The following BMP8A variants were observed in gnomAD, a reference collection of about 807,000 sequenced individuals.
BMP8A encodes BMP-8A.
In BMP8A, 14 loss-of-function variants were observed where a neutral mutation model predicts 36.8. That is an observed-to-expected ratio of 0.38 (90% confidence interval 0.25 to 0.60). The LOEUF is 0.60. Ranked by LOEUF, BMP8A falls within the 20% of genes least tolerant of loss-of-function variation. BMP8A has a pLI of 0.63. For missense variants in BMP8A, 267 were observed against 551.1 expected (o/e 0.48, Z 5.16); for synonymous variants, 120 against 237.7 (o/e 0.50, Z 4.55).
chr1:39,513,194 GGA>G (rs1320432081), intron 3 of BMP8A, among the ~76,000 whole-genome samples: 4 of 83,134 alleles, frequency 4.8e-5, no homozygotes, highest in Non-Finnish European at 6.5e-5. Flanking sequence ...TGCTCAGGCT[GGA>G]GTGCAGTGGC....
chr1:39,503,488 G>C (rs1645270471), intron 1 of BMP8A, among the ~76,000 whole-genome samples: 1 of 150,634 alleles, frequency 6.6e-6, no homozygotes, highest in Non-Finnish European at 1.5e-5. Context: ...AGGCATAGTG[G>C]CATTATGCTT....
Position 39,492,017 on chromosome 1 carries a change from G to A in BMP8A, c.26G>A (p.Trp9Ter). ...ATGGCCGCGCGCCCCGGACCGCTCTGGCTTCTGGGCCTGACGTTGTGCGCG... is the reference window on the plus strand; with the variant it reads ...ATGGCCGCGCGCCCCGGACCGCTCTAGCTTCTGGGCCTGACGTTGTGCGCG... MAARPGPL[W>*]LLGLTLCALG... Residue 9 changes from tryptophan (W) to a stop codon, truncating the protein, a stop_gained, in exon 1 of 7, where the codon TGG becomes TAG. Coordinates refer to ENST00000331593, the MANE Select transcript of BMP8A (RefSeq NM_181809.4). LOFTEE classifies it high-confidence loss of function. 1.8e-6 allele frequency: 2 copies of A among 1,092,462 alleles called. No homozygotes were observed. 67.7% of individuals were successfully genotyped at this position (1,092,462 alleles called of 1,614,324 possible).
At chr1:39,504,764 C>T (rs1253976420) in intron 1 of BMP8A, among the ~76,000 whole-genome samples, 1 of 152,170 alleles carries the variant, frequency 6.6e-6, no homozygotes, top group Non-Finnish European at 1.5e-5. Flanking sequence ...CTCTGAGTTC[C>T]TTCAGTATTT....
intron 1 of BMP8A, among the ~76,000 whole-genome samples, chr1:39,496,446 A>G (rs1475749101): frequency 1.3e-5 from 2 of 151,070 alleles, no homozygotes; most frequent in African/African-American, 4.9e-5. Context: ...TTGCATCCTG[A>G]CGCCAACACC....
intron 1 of BMP8A, among the ~76,000 whole-genome samples, chr1:39,498,759 G>A (rs1319781042): frequency 2.6e-5 from 4 of 151,994 alleles, no homozygotes; most frequent in Non-Finnish European, 2.9e-5. Context: ...CTGCCTGTGG[G>A]ACCAGCCAGG....
At chr1:39,522,280 TG>T (rs1311896459) in intron 4 of BMP8A, 122 bp from the exon 5 acceptor site, 1 of 1,055,876 alleles carries the variant, frequency 9.5e-7, no homozygotes, top group Non-Finnish European at 1.4e-6. Context: ...TGAGACCAAA[TG>T]GTTTCCTGTC....
chr1:39,509,006 G>C (rs927980183), intron 1 of BMP8A, among the ~76,000 whole-genome samples: 2 of 152,164 alleles, frequency 1.3e-5, no homozygotes, highest in Non-Finnish European at 2.9e-5. Flanking sequence ...CAGGTCAGGC[G>C]GGGAGGGAGG....
Position 39,524,172 on chromosome 1 carries a change from G to A in BMP8A, c.1059+1055G>A, listed in dbSNP as rs1645459420. 6.6e-6 allele frequency among the ~76,000 whole-genome samples: 1 copy of A among 152,170 alleles called. No homozygotes were observed. Among genetic ancestry groups the A allele is most frequent in the African/African-American group, 2.4e-5 (1 of 41,446 alleles). On this transcript the variant is annotated intron_variant, in intron 6 of 6. Coordinates refer to ENST00000331593, the MANE Select transcript of BMP8A (RefSeq NM_181809.4). This position sits in a 1 kb window ranked among gnomAD's most constrained non-coding sequence, Gnocchi z 4.0. ...TGATGAGGACGCGTGGGGTGGCCTG[G>A]CCCAGCCACCCTTTATGCCGTGTGG...
chr1:39,527,464 G>A lies in BMP8A; in HGVS notation c.*1666G>A, dbSNP rs569912417. 6.6e-6 allele frequency among the ~76,000 whole-genome samples: 1 copy of A among 152,324 alleles called. No homozygotes were observed. Among genetic ancestry groups the A allele is most frequent in the Non-Finnish European group, 1.5e-5 (1 of 68,028 alleles). ...TGGCAGAGTGGTTCCACCTCCCCATGGGCCCAAGGATGCGCCTCTCTGGAG... is the reference window on the plus strand; with the variant it reads ...TGGCAGAGTGGTTCCACCTCCCCATAGGCCCAAGGATGCGCCTCTCTGGAG... On this transcript the variant is annotated 3_prime_UTR_variant, in exon 7 of 7. Transcript: ENST00000331593.
intron 6 of BMP8A, 40 bp from the exon 7 acceptor site, chr1:39,525,609 A>G (rs1447340645): frequency 5.0e-6 from 8 of 1,609,032 alleles, no homozygotes; most frequent in Non-Finnish European, 6.8e-6. Context: ...AGAGGAGGCC[A>G]CTGGCCTCAT....
At chr1:39,497,970 G>C (rs890089172) in intron 1 of BMP8A, among the ~76,000 whole-genome samples, 2 of 152,178 alleles carry the variant, frequency 1.3e-5, no homozygotes, top group African/African-American at 4.8e-5. Flanking sequence ...GGGCATTCTC[G>C]GGTGTCTGTT....
At position 39,511,791 on chromosome 1, in the gene BMP8A, T is replaced by TCCG. The variant is rs1359710896; in HGVS notation, c.561_563dup (p.Arg188dup). The TCCG allele has an allele frequency of 1.3e-6, 2 of 1,578,312 alleles. No homozygotes were observed. The highest frequency in any genetic ancestry group is 4.6e-5 in the East Asian group (2 of 43,646). ...TTGTTCTTTTTGGATCTTCAGACGCTCCGAGCTGGAGACGAGGGCTGGCTG... is the reference window on the plus strand; with the variant it reads ...TTGTTCTTTTTGGATCTTCAGACGCTCCGCCGAGCTGGAGACGAGGGCTGGCTG... On this transcript the variant is annotated inframe_insertion, in exon 3 of 7. Transcript: ENST00000331593.
rs1645460990 is a variant in BMP8A, at chr1:39,524,349, T to C, written c.1059+1232T>C. Among the ~76,000 whole-genome samples, 1 of 152,018 alleles carries C rather than the reference T, an allele frequency of 6.6e-6. No individual in the cohort carries two copies. The highest frequency in any genetic ancestry group is 1.5e-5 in the Non-Finnish European group (1 of 67,982). On this transcript the variant is annotated intron_variant, in intron 6 of 6. Transcript: ENST00000331593. The surrounding 1 kb of genome is among the most constrained non-coding windows in gnomAD (Gnocchi z 4.0). ...AGGGCAGCAAACAGGCACTGTGCTC[T>C]AGGGGAGGCTGTCGGTGGGCACAGA...
intron 3 of BMP8A, among the ~76,000 whole-genome samples, chr1:39,517,151 A>ATT (rs199693362): frequency 2.0e-5 from 3 of 150,746 alleles, no homozygotes; most frequent in Middle Eastern, 3.4e-3. Flanking sequence ...ATGCCTGCTT[A>ATT]TTTTTTTTTA....
In BMP8A at chr1:39,528,504, T is replaced by C. The variant is rs1041686367; in HGVS notation, c.*2706T>C. ...TGGTGCAGAACAACCCCCAACCCAG[T>C]GGCCATCTTCACAACTGCAGCACAG... On this transcript the variant is annotated 3_prime_UTR_variant, in exon 7 of 7. Transcript: ENST00000331593. 2.0e-5 allele frequency among the ~76,000 whole-genome samples: 3 copies of C among 152,204 alleles called. No homozygotes were observed. The highest frequency in any genetic ancestry group is 7.2e-5 in the African/African-American group (3 of 41,444).
intron 1 of BMP8A, among the ~76,000 whole-genome samples, chr1:39,500,421 G>A (rs932771752): frequency 1.3e-5 from 2 of 152,168 alleles, no homozygotes; most frequent in African/African-American, 2.4e-5. Context: ...AGAGGCCAGG[G>A]GTGCTGCTGA....
chr1:39,523,295 C>A (rs41270827), intron 6 of BMP8A, among the ~76,000 whole-genome samples, 178 bp downstream of exon 6: 7,825 of 152,292 alleles, frequency 0.051, 274 homozygotes, highest in Non-Finnish European at 0.073. Flanking sequence ...GGTCCTCATA[C>A]AGCCACACTA....
chr1:39,528,924 C>T lies in BMP8A; in HGVS notation c.*3126C>T, dbSNP rs1002193944. 2 of 152,226 alleles carry T rather than the reference C, an allele frequency of 1.3e-5. No homozygotes were observed. 9.4% of individuals were successfully genotyped at this position (152,226 alleles called of 1,614,324 possible). The stretch of plus-strand genomic sequence containing the variant: ...CTATGTTGCCCAGGCCGGTCTTAAA[C>T]TTTGCCCAGGCCAGTCTTGAACTCC... On this transcript the variant is annotated 3_prime_UTR_variant, in exon 7 of 7. Transcript: ENST00000331593.
At chr1:39,506,006 A>AAAAAAT (rs1645298123) in intron 1 of BMP8A, among the ~76,000 whole-genome samples, 1 of 149,792 alleles carries the variant, frequency 6.7e-6, no homozygotes, top group African/African-American at 2.4e-5. Context: ...AAAAAAAAAA[A>AAAAAAT]GTGTCAAGGT....
Sources: allele counts gnomAD v4.1 joint callset (sites outside exome capture counted in the v4.1 genomes callset), GRCh38; gene constraint gnomAD v4.1.1; non-coding constraint Gnocchi (gnomAD v3.1); transcripts MANE v1.5; gene names NCBI Gene and HGNC (gene_info 2026-07-23, HGNC 2026-07-21).